TMEM177: variants seen among roughly 807,000 people sequenced by gnomAD.
TMEM177 encodes transmembrane protein 177.
In TMEM177, 4 loss-of-function variants were observed where a neutral mutation model predicts 14.2. That is an observed-to-expected ratio of 0.28 (90% CI 0.14 to 0.64). The LOEUF is 0.64. Ranked by LOEUF, TMEM177 falls within the 30% of genes least tolerant of loss-of-function variation. The pLI, the probability that TMEM177 is intolerant of heterozygous loss-of-function variation, is 0.82. For missense variants in TMEM177, 344 were observed against 405.2 expected (o/e 0.85, Z 1.30); for synonymous variants, 179 against 174.5 (o/e 1.03, Z -0.20).
chr2:119,694,334 TCA>T, the TMEM177 span, among the ~76,000 whole-genome samples: 3 of 148,850 alleles, frequency 2.0e-5, no homozygotes, highest in South Asian at 2.2e-4. Context: ...TCACCTCACC[TCA>T]CACACACACA....
the TMEM177 span, among the ~76,000 whole-genome samples, chr2:119,722,536 ACT>A: frequency 6.6e-6 from 1 of 152,136 alleles, no homozygotes; most frequent in Non-Finnish European, 1.5e-5. Context: ...GCGGGAAGAG[ACT>A]CTGTTTTCTC....
chr2:119,710,512 C>G, the TMEM177 span, among the ~76,000 whole-genome samples: 3 of 152,284 alleles, frequency 2.0e-5, no homozygotes, highest in Admixed American at 2.0e-4. Flanking sequence ...CAGGAGCCCA[C>G]CCCAGACAGA....
the TMEM177 span, among the ~76,000 whole-genome samples, chr2:119,715,397 G>GA: frequency 1.3e-5 from 2 of 152,078 alleles, no homozygotes; most frequent in East Asian, 3.9e-4. Flanking sequence ...AAGACAGAGA[G>GA]AAAAAGAGAG....
chr2:119,706,195 T>C, the TMEM177 span, among the ~76,000 whole-genome samples: 1 of 151,978 alleles, frequency 6.6e-6, no homozygotes, highest in African/African-American at 2.4e-5. Context: ...GGCTACTTTT[T>C]GTGTTTTTTT....
the TMEM177 span, chr2:119,700,060 AG>A: frequency 3.6e-6 from 1 of 274,552 alleles, no homozygotes; most frequent in South Asian, 5.8e-5. Flanking sequence ...CTTACTGAAA[AG>A]GAACAAATTG....
the TMEM177 span, among the ~76,000 whole-genome samples, chr2:119,696,411 C>G: frequency 6.6e-6 from 1 of 152,168 alleles, no homozygotes; most frequent in Non-Finnish European, 1.5e-5. Context: ...TCACACAAAC[C>G]TGCCACATCC....
the TMEM177 span, among the ~76,000 whole-genome samples, chr2:119,703,610 G>A: frequency 0.93 from 142,174 of 152,240 alleles, 66,679 homozygotes; most frequent in East Asian, 1. Flanking sequence ...TTCTCCATTC[G>A]TTCTTCCAGA....
chr2:119,705,619 C>CGTGTGTGTGTGTGTGTGT, the TMEM177 span, among the ~76,000 whole-genome samples: 33 of 139,158 alleles, frequency 2.4e-4, no homozygotes, highest in Non-Finnish European at 4.0e-4. Flanking sequence ...CACTCAGATC[C>CGTGTGTGTGTGTGTGTGT]GTGTGTGTGT....
the TMEM177 span, among the ~76,000 whole-genome samples, chr2:119,702,132 G>A: frequency 6.6e-6 from 1 of 152,332 alleles, no homozygotes; most frequent in Middle Eastern, 3.4e-3. Flanking sequence ...TGGTCCCCAG[G>A]CAAGAACTGA....
the TMEM177 span, among the ~76,000 whole-genome samples, chr2:119,708,832 C>G: frequency 6.9e-6 from 1 of 145,640 alleles, no homozygotes; most frequent in East Asian, 2.1e-4. Context: ...CTCCAAGTCA[C>G]TGAGCCACAG....
downstream of TMEM177, among the ~76,000 whole-genome samples, chr2:119,687,522 A>T (rs1309557215): frequency 1.3e-5 from 2 of 152,152 alleles, no homozygotes; most frequent in African/African-American, 4.8e-5. Context: ...AGCAGGGAAA[A>T]TGGAAGTAGA....
the TMEM177 span, among the ~76,000 whole-genome samples, chr2:119,704,410 C>T: frequency 2.0e-5 from 3 of 151,968 alleles, no homozygotes; most frequent in African/African-American, 7.3e-5. Flanking sequence ...CCATCCTGGC[C>T]AACATGGTGA....
At chr2:119,683,091 G>A (rs1394993063), downstream of TMEM177, among the ~76,000 whole-genome samples, 1 of 152,208 alleles carries the variant, frequency 6.6e-6, no homozygotes, top group Admixed American at 6.5e-5. Flanking sequence ...GAACACAGTG[G>A]TGGCAGGTCC....
the TMEM177 span, among the ~76,000 whole-genome samples, chr2:119,695,062 C>T: frequency 5.9e-5 from 9 of 152,244 alleles, no homozygotes; most frequent in African/African-American, 2.2e-4. Flanking sequence ...TCAGCGGATA[C>T]GGCAAAGCCC....
chr2:119,679,658 G>T (rs1688845047), intron 1 of TMEM177: 1 of 152,196 alleles, frequency 6.6e-6, no homozygotes, highest in African/African-American at 2.4e-5. Flanking sequence ...AATTTTTACT[G>T]ACGTATTCAC....
At chr2:119,721,861 G>A in the TMEM177 span, among the ~76,000 whole-genome samples, 1 of 152,060 alleles carries the variant, frequency 6.6e-6, no homozygotes, top group East Asian at 1.9e-4. Context: ...CAGTCTTATT[G>A]TGCCCGCTTA....
the TMEM177 span, among the ~76,000 whole-genome samples, chr2:119,703,948 C>A: frequency 6.6e-6 from 1 of 152,238 alleles, no homozygotes; most frequent in African/African-American, 2.4e-5. Flanking sequence ...TACTAAATAG[C>A]CCTTCATCTG....
the TMEM177 span, among the ~76,000 whole-genome samples, chr2:119,694,233 T>C: frequency 0.028 from 3,965 of 139,872 alleles, 53 homozygotes; most frequent in Non-Finnish European, 0.035. Flanking sequence ...ACCACATACA[T>C]ATCACACTTA....
chr2:119,694,209 CAACACA>C, the TMEM177 span, among the ~76,000 whole-genome samples: 4 of 151,482 alleles, frequency 2.6e-5, no homozygotes, highest in African/African-American at 9.7e-5. Context: ...CATGCACACA[CAACACA>C]AACACATACC....
Sources: allele counts gnomAD v4.1 joint callset (sites outside exome capture counted in the v4.1 genomes callset), GRCh38; gene constraint gnomAD v4.1.1; transcripts MANE v1.5; gene names NCBI Gene and HGNC (gene_info 2026-07-23, HGNC 2026-07-21).